The following FMN2 variants were observed in gnomAD, a reference collection of about 807,000 sequenced individuals.
FMN2 encodes formin 2, also known as formin-2.
In FMN2, 51 loss-of-function variants were observed where a neutral mutation model predicts 142.3. The observed-to-expected ratio is 0.36, with a 90% CI of 0.29 to 0.45. FMN2 has a LOEUF of 0.45. FMN2 is among the 20% of genes least tolerant of loss of function. The pLI is 1.00. For synonymous variants in FMN2, 882 were observed against 869.8 expected, an observed-to-expected ratio of 1.01 and a Z score of -0.25; for missense variants, 1,936 against 2,122.8, an observed-to-expected ratio of 0.91 and a Z score of 1.73.
At chr1:240,432,331 A>G (rs764807134) in intron 15 of FMN2, among the ~76,000 whole-genome samples, 2 of 152,112 alleles carry the variant, frequency 1.3e-5, no homozygotes, top group East Asian at 3.9e-4. Context: ...TTAAGCCAGT[A>G]TGATCTATAA....
chr1:240,094,705 T>C (rs560905418), intron 1 of FMN2, among the ~76,000 whole-genome samples: 19 of 152,332 alleles, frequency 1.2e-4, no homozygotes, highest in Non-Finnish European at 2.1e-4. Context: ...AAAAGTTACA[T>C]GACTACTGAT....
At chr1:240,419,907 G>A (rs565263727) in intron 15 of FMN2, among the ~76,000 whole-genome samples, 1 of 152,206 alleles carries the variant, frequency 6.6e-6, no homozygotes, top group South Asian at 2.1e-4. Context: ...TAGAGGTTGA[G>A]CAGCACACTT....
intron 2 of FMN2, among the ~76,000 whole-genome samples, chr1:240,177,362 T>C (rs1458609764): frequency 3.6e-5 from 3 of 82,936 alleles, no homozygotes; most frequent in Non-Finnish European, 7.3e-5. Flanking sequence ...TATTCAATTC[T>C]TTTTTTTTTT....
At chr1:240,307,171 A>G (rs536843618) in intron 8 of FMN2, among the ~76,000 whole-genome samples, 56 of 152,268 alleles carry the variant, frequency 3.7e-4, no homozygotes, top group African/African-American at 1.3e-3. Context: ...ATAGTTTGCA[A>G]ATATTTTCTC....
Position 240,294,826 on chromosome 1 carries a change from T to C in FMN2, c.4158T>C (p.Val1386=), listed in dbSNP as rs781310028. 1.9e-6 allele frequency: 3 copies of C among 1,613,962 alleles called. No individual in the cohort carries two copies. The highest frequency in any genetic ancestry group is 2.5e-6 in the Non-Finnish European group (3 of 1,179,866). Residue 1386 remains valine, a synonymous_variant, in exon 8 of 18, where the codon GTT becomes GTC. Transcript: ENST00000319653. ...ATTCTTCTTTTTTTTCCACAGCTGT[T>C]GTGAACTTGGATAATTCTGTGGTTG... ...HLDMKDIQHA[V]VNLDNSVVDL...
intron 6 of FMN2, among the ~76,000 whole-genome samples, chr1:240,256,261 C>T (rs947023478): frequency 6.6e-6 from 1 of 152,042 alleles, no homozygotes; most frequent in Non-Finnish European, 1.5e-5. Context: ...GAGGACAATG[C>T]TATGGATAGA....
At chr1:240,397,808 A>G (rs1673834843) in intron 15 of FMN2, among the ~76,000 whole-genome samples, 2 of 150,946 alleles carry the variant, frequency 1.3e-5, no homozygotes, top group South Asian at 4.2e-4. Context: ...AAAAAAAAAA[A>G]AAGTTAACCA....
intron 7 of FMN2, among the ~76,000 whole-genome samples, chr1:240,264,947 A>G (rs1668751065): frequency 6.6e-6 from 1 of 152,004 alleles, no homozygotes; most frequent in Non-Finnish European, 1.5e-5. Context: ...TAGTAGGGGG[A>G]ATTCAGGTTT....
rs777477507 is a variant in FMN2, at chr1:240,207,072, G to T, written c.2260G>T (p.Val754Leu). 5 of 1,614,008 alleles carry T rather than the reference G, an allele frequency of 3.1e-6. No individual in the cohort carries two copies. In the Admixed American group the frequency reaches 8.3e-5, roughly 27 times the overall value. Reference sequence around the variant, plus strand: ...GACTTCCCCCACGGAAGAGGGCGGGGTGCTGACACTGCCTCCTGTGGATGG... The same window carrying T: ...GACTTCCCCCACGGAAGAGGGCGGGTTGCTGACACTGCCTCCTGTGGATGG... ...IQTSPTEEGG[V>L]LTLPPVDGLP... is the part of the protein sequence containing the mutation. The change falls in exon 5 of 18, where the codon GTG becomes TTG. Residue 754 changes from valine to leucine, a missense_variant. By Grantham distance (32) the Val-to-Leu change is conservative (BLOSUM62 1). Coordinates refer to ENST00000319653, the MANE Select transcript of FMN2 (RefSeq NM_020066.5).
intron 15 of FMN2, among the ~76,000 whole-genome samples, chr1:240,413,148 A>AG (rs1164643388): frequency 6.7e-6 from 1 of 148,404 alleles, no homozygotes; most frequent in Non-Finnish European, 1.5e-5. Context: ...AAAAAAAAAA[A>AG]AGCAGCAAAT....
At chr1:240,392,315 G>T (rs958852128) in intron 14 of FMN2, among the ~76,000 whole-genome samples, 196 bp from the exon 15 acceptor site, 1 of 151,926 alleles carries the variant, frequency 6.6e-6, no homozygotes, top group African/African-American at 2.4e-5. Flanking sequence ...AATATAATAA[G>T]ATCAACTTAA....
chr1:240,140,521 C>G (rs1663135317), intron 2 of FMN2, among the ~76,000 whole-genome samples: 1 of 152,122 alleles, frequency 6.6e-6, no homozygotes, highest in Non-Finnish European at 1.5e-5. Flanking sequence ...CTGTTTCCTC[C>G]TTTGGATATA....
chr1:240,396,100 T>C (rs1673760908), intron 15 of FMN2, among the ~76,000 whole-genome samples: 1 of 152,216 alleles, frequency 6.6e-6, no homozygotes, highest in East Asian at 1.9e-4. Flanking sequence ...TGTTAACACT[T>C]TTTAGTAATA....
At chr1:240,198,657 C>G (rs1347954154) in intron 4 of FMN2, among the ~76,000 whole-genome samples, 1 of 152,068 alleles carries the variant, frequency 6.6e-6, no homozygotes, top group African/African-American at 2.4e-5. Flanking sequence ...TTGAAATTTC[C>G]CTTTCAAACT....
At chr1:240,148,718 C>T (rs911104986) in intron 2 of FMN2, among the ~76,000 whole-genome samples, 6 of 152,102 alleles carry the variant, frequency 3.9e-5, no homozygotes, top group South Asian at 2.1e-4. Context: ...CAGTGGCTCG[C>T]GCCTGTAATC....
chr1:240,169,133 C>T (rs1664599334), intron 2 of FMN2, among the ~76,000 whole-genome samples: 1 of 152,180 alleles, frequency 6.6e-6, no homozygotes, highest in Non-Finnish European at 1.5e-5. Flanking sequence ...ATCGCTTGAA[C>T]CCGGGATGCA....
chr1:240,342,254 A>G (rs1490337342), intron 13 of FMN2, among the ~76,000 whole-genome samples: 2 of 152,242 alleles, frequency 1.3e-5, no homozygotes, highest in Non-Finnish European at 1.5e-5. Flanking sequence ...AGCTCAGGCT[A>G]TAAATTGATT....
At chr1:240,437,465 T>G (rs577016458) in intron 15 of FMN2, among the ~76,000 whole-genome samples, 1 of 151,878 alleles carries the variant, frequency 6.6e-6, no homozygotes, top group African/African-American at 2.4e-5. Context: ...CCGGCTAATT[T>G]TTTTTTCTTT....
At chr1:240,320,040 G>A (rs191960913) in intron 8 of FMN2, among the ~76,000 whole-genome samples, 27 of 152,254 alleles carry the variant, frequency 1.8e-4, no homozygotes, top group African/African-American at 6.3e-4. Flanking sequence ...CTGAATCTGC[G>A]CTGGCTGGTG....
Sources: gnomAD v4.1 joint callset for allele counts (sites outside exome capture counted in the v4.1 genomes callset) on GRCh38, gnomAD v4.1.1 for gene constraint, MANE v1.5 for transcripts, NCBI Gene and HGNC (gene_info 2026-07-23, HGNC 2026-07-21) for gene names.